The following IGF1R variants were observed in gnomAD, a reference collection of about 807,000 sequenced individuals.
IGF1R encodes the protein insulin-like growth factor 1 receptor.
A neutral mutation model predicts 144.6 loss-of-function variants in IGF1R; 44 were observed. The ratio of observed to expected loss-of-function variants is 0.30; its 90% confidence interval spans 0.24 to 0.39. The LOEUF (loss-of-function observed/expected upper bound fraction) is 0.39, where lower values mean the gene tolerates loss of function less well. Ranked by LOEUF, IGF1R falls within the 10% of genes least tolerant of loss-of-function variation. The pLI is 1.00. For missense variants in IGF1R, 1,355 were observed against 1,833.7 expected, an observed-to-expected ratio of 0.74 and a Z score of 4.77; for synonymous variants, 795 against 722.8, an observed-to-expected ratio of 1.10 and a Z score of -1.60.
chr15:98,909,908 C>G (rs1402627966), intron 6 of IGF1R, among the ~76,000 whole-genome samples: 1 of 152,146 alleles, frequency 6.6e-6, no homozygotes, highest in Non-Finnish European at 1.5e-5. Context: ...AATGGCGTGG[C>G]TCTCTGGCTG....
intron 2 of IGF1R, among the ~76,000 whole-genome samples, chr15:98,843,165 T>C (rs1266922831): frequency 6.6e-6 from 1 of 152,252 alleles, no homozygotes; most frequent in East Asian, 1.9e-4. Flanking sequence ...TCCTTCAACC[T>C]GCTGTGCTAC....
intron 2 of IGF1R, among the ~76,000 whole-genome samples, chr15:98,711,762 C>G (rs891556940): frequency 6.6e-6 from 1 of 152,094 alleles, no homozygotes; most frequent in Non-Finnish European, 1.5e-5. Context: ...ACGGTGGTCT[C>G]CTGACATAGT....
Position 98,935,128 on chromosome 15 carries a change from G to A in IGF1R, c.3186+75G>A. The A allele has an allele frequency of 7.8e-7, 1 of 1,278,116 alleles. No homozygotes were observed. Among genetic ancestry groups the A allele is most frequent in the African/African-American group, 1.5e-5 (1 of 68,738 alleles). 79.2% of individuals were successfully genotyped at this position (1,278,116 alleles called of 1,614,324 possible). ...CACACAAGCCTCCCAGTATGTTCTT[G>A]GCTGCATGTACCCGTGGGTTTGGTG... is the stretch of plus-strand genomic sequence containing the variant. On this transcript the variant is annotated intron_variant, in intron 16 of 20. Coordinates refer to ENST00000650285, the MANE Select transcript of IGF1R (RefSeq NM_000875.5). The surrounding 1 kb of genome is among the most constrained non-coding windows in gnomAD (Gnocchi z 4.2).
chr15:98,961,290 T>G lies in IGF1R; in HGVS notation c.*3848T>G, dbSNP rs1210696979. The stretch of plus-strand genomic sequence containing the variant: ...ATTCAGCTGGTTATAAGGGTTTTGT[T>G]TAAACTGTCCGAGTTACTGATGTCA... On this transcript the variant is annotated 3_prime_UTR_variant, in exon 21 of 21. Transcript: ENST00000650285. 1 of 233,558 alleles carries G rather than the reference T, an allele frequency of 4.3e-6. No homozygotes were observed. The allele number at this position is 233,558 out of a possible 1,614,324, so 14.5% of individuals were successfully genotyped here. A position where few individuals can be genotyped will look rare whatever the true frequency, so the allele number is the denominator to read the frequency against.
At chr15:98,926,762 T>G (rs2015737307) in intron 13 of IGF1R, among the ~76,000 whole-genome samples, 1 of 152,184 alleles carries the variant, frequency 6.6e-6, no homozygotes, top group Non-Finnish European at 1.5e-5. Flanking sequence ...GGGTTCAGGT[T>G]TTTAGGGGTA....
intron 2 of IGF1R, among the ~76,000 whole-genome samples, chr15:98,764,625 T>G (rs2055390830): frequency 6.6e-6 from 1 of 152,354 alleles, no homozygotes; most frequent in South Asian, 2.1e-4. Context: ...ATTAAACCAA[T>G]TTAAACAATT....
intron 2 of IGF1R, among the ~76,000 whole-genome samples, chr15:98,831,394 T>C (rs1462940988): frequency 2.6e-5 from 4 of 152,196 alleles, no homozygotes; most frequent in African/African-American, 4.8e-5. Context: ...CCCACTGTTA[T>C]CTGTTGTAGA....
chr15:98,913,150 A>C lies in IGF1R; in HGVS notation c.1696A>C (p.Ile566Leu), dbSNP rs1345830020. ...GCCCAACAAGGACGTGGAGCCCGGC[A>C]TCTTACTACATGGGCTGAAGCCCTG... ...LPPNKDVEPG[I>L]LLHGLKPWTQ... Residue 566 changes from isoleucine (I) to leucine (L), a missense_variant, in exon 8 of 21, where the codon ATC becomes CTC. By Grantham distance (5) the Ile-to-Leu change is conservative (BLOSUM62 2). Transcript: ENST00000650285. 1 of 1,614,194 alleles carries C rather than the reference A, an allele frequency of 6.2e-7. No homozygotes were observed. The highest frequency in any genetic ancestry group is 8.5e-7 in the Non-Finnish European group (1 of 1,180,018).
chr15:98,797,278 C>T (rs1012429540), intron 2 of IGF1R, among the ~76,000 whole-genome samples: 1 of 152,164 alleles, frequency 6.6e-6, no homozygotes, highest in Non-Finnish European at 1.5e-5. Flanking sequence ...TGGGCTGCAG[C>T]CCGAGCCCCG....
At chr15:98,929,683 A>G in intron 14 of IGF1R, 23 bp downstream of exon 14, 1 of 1,484,054 alleles carries the variant, frequency 6.7e-7, no homozygotes, top group Admixed American at 1.7e-5. Context: ...CAAAGTTATG[A>G]CACTTTCTGT....
In IGF1R at chr15:98,963,150, T is replaced by C. The variant is rs767499969; in HGVS notation, c.*5708T>C. 5.6e-5 allele frequency: 13 copies of C among 233,310 alleles called. No individual in the cohort carries two copies. Among genetic ancestry groups the C allele is most frequent in the Middle Eastern group, 1.2e-3 (1 of 806 alleles). The allele number at this position is 233,310 out of a possible 1,614,324, so 14.5% of individuals were successfully genotyped here. ...TTATAAAATGTTTGTAGTTTATAAT[T>C]GCCGAAAATAATTTAAAGACACTTT... On this transcript the variant is annotated 3_prime_UTR_variant, in exon 21 of 21. Coordinates refer to ENST00000650285, the MANE Select transcript of IGF1R (RefSeq NM_000875.5).
At chr15:98,943,589 C>T (rs1428500955) in intron 19 of IGF1R, among the ~76,000 whole-genome samples, 1 of 152,240 alleles carries the variant, frequency 6.6e-6, no homozygotes, top group Non-Finnish European at 1.5e-5. Flanking sequence ...CTCCCTTAAT[C>T]ATAAACAGTG....
chr15:98,783,808 G>A (rs900174462), intron 2 of IGF1R, among the ~76,000 whole-genome samples: 4 of 152,074 alleles, frequency 2.6e-5, no homozygotes, highest in South Asian at 2.1e-4. Flanking sequence ...GGAGAATACC[G>A]ATGCTGTTGC....
At chr15:98,861,407 C>T (rs1259685756) in intron 2 of IGF1R, among the ~76,000 whole-genome samples, 2 of 152,196 alleles carry the variant, frequency 1.3e-5, no homozygotes, top group Non-Finnish European at 2.9e-5. Flanking sequence ...AGGACCCTTA[C>T]ACCCTCTGCA....
At chr15:98,692,197 G>A (rs896088731) in intron 1 of IGF1R, among the ~76,000 whole-genome samples, 2 of 152,114 alleles carry the variant, frequency 1.3e-5, no homozygotes, top group Non-Finnish European at 2.9e-5. Flanking sequence ...AATTAGCTGG[G>A]CATGGTGGTG....
chr15:98,936,567 T>C (rs2016156199), intron 17 of IGF1R, among the ~76,000 whole-genome samples: 1 of 152,086 alleles, frequency 6.6e-6, no homozygotes, highest in East Asian at 1.9e-4. Context: ...TGACTTCCCC[T>C]TCTCGGCCCC....
intron 10 of IGF1R, among the ~76,000 whole-genome samples, chr15:98,921,391 A>G (rs780379143): frequency 6.6e-6 from 1 of 151,544 alleles, no homozygotes; most frequent in Admixed American, 6.6e-5. Context: ...GACTTTATGC[A>G]CTCCCTTTTG....
chr15:98,782,156 C>T (rs888684785), intron 2 of IGF1R, among the ~76,000 whole-genome samples: 9 of 152,164 alleles, frequency 5.9e-5, no homozygotes, highest in African/African-American at 2.2e-4. Flanking sequence ...TGTAGTATTC[C>T]TTGAAAGAAT....
chr15:98,851,175 G>A (rs576656144), intron 2 of IGF1R, among the ~76,000 whole-genome samples: 21 of 152,258 alleles, frequency 1.4e-4, no homozygotes, highest in African/African-American at 5.1e-4. Context: ...GCCCATCCAG[G>A]GACCTGCGAC....
Sources: gnomAD v4.1 joint callset for allele counts (sites outside exome capture counted in the v4.1 genomes callset) on GRCh38, gnomAD v4.1.1 for gene constraint, Gnocchi (gnomAD v3.1) non-coding constraint, MANE v1.5 for transcripts, NCBI Gene and HGNC (gene_info 2026-07-23, HGNC 2026-07-21) for gene names.